HAUS6: variants seen among roughly 807,000 people sequenced by gnomAD.
HAUS6 encodes HAUS augmin like complex subunit 6.
Under a neutral mutation model 106.8 loss-of-function variants are expected in HAUS6, and 80 were observed. The ratio of observed to expected loss-of-function variants is 0.75; its 90% CI spans 0.63 to 0.90. The LOEUF (loss-of-function observed/expected upper bound fraction) is 0.90. Ranked by LOEUF, HAUS6 falls within the 40% of genes least tolerant of loss-of-function variation. The pLI is 0.00. For missense variants in HAUS6, 1,155 were observed against 1,118.1 expected (o/e 1.03, Z -0.47); for synonymous variants, 356 against 379.1 (o/e 0.94, Z 0.71).
chr9:19,062,562 A>G (rs1836649606), intron 14 of HAUS6, among the ~76,000 whole-genome samples: 1 of 152,204 alleles, frequency 6.6e-6, no homozygotes, highest in African/African-American at 2.4e-5. Context: ...TTTAACCATA[A>G]TTTTTATTAT....
chr9:19,096,302 C>T (rs1011211645), intron 2 of HAUS6, among the ~76,000 whole-genome samples: 14 of 152,068 alleles, frequency 9.2e-5, no homozygotes, highest in African/African-American at 3.1e-4. Context: ...TGGTGGCTCA[C>T]GCCTGTAATC....
intron 1 of HAUS6, 53 bp downstream of exon 1, chr9:19,102,471 C>G: frequency 6.3e-7 from 1 of 1,580,074 alleles, no homozygotes; most frequent in South Asian, 1.1e-5. Flanking sequence ...GGGGGAGTCC[C>G]CCGGCGTCCC....
intron 11 of HAUS6, among the ~76,000 whole-genome samples, chr9:19,074,935 C>G (rs1836961887): frequency 6.6e-6 from 1 of 152,026 alleles, no homozygotes; most frequent in Non-Finnish European, 1.5e-5. Context: ...AAAACCTGTA[C>G]AGAATGTTTA....
At chr9:19,087,334 G>A (rs1837322169) in intron 5 of HAUS6, among the ~76,000 whole-genome samples, 178 bp from the exon 6 acceptor site, 1 of 152,064 alleles carries the variant, frequency 6.6e-6, no homozygotes, top group Non-Finnish European at 1.5e-5. Flanking sequence ...GGCTCCTATT[G>A]AGATGGACCT....
chr9:19,055,264 T>C lies in HAUS6; in HGVS notation c.*1079A>G, dbSNP rs1210280637. On this transcript the variant is annotated 3_prime_UTR_variant, in exon 17 of 17. Coordinates refer to ENST00000380502, the MANE Select transcript of HAUS6 (RefSeq NM_017645.5). ...TCTACAAAGGGTATTGTAGGTACTA[T>C]CACCCTTCCATTGCCTGTTCCATTC... 1.3e-5 allele frequency: 2 copies of C among 152,216 alleles called. No homozygotes were observed. Among genetic ancestry groups the C allele is most frequent in the African/African-American group, 2.4e-5 (1 of 41,468 alleles). 9.4% of individuals were successfully genotyped at this position (152,216 alleles called of 1,614,324 possible). A position where few individuals can be genotyped will look rare whatever the true frequency, so the allele number is the denominator to read the frequency against.
intron 14 of HAUS6, among the ~76,000 whole-genome samples, chr9:19,061,857 G>A (rs928064464): frequency 6.6e-6 from 1 of 152,064 alleles, no homozygotes; most frequent in African/African-American, 2.4e-5. Flanking sequence ...AAAAGTGTCT[G>A]ACATCCAGTT....
Position 19,090,706 on chromosome 9 carries a change from AGAG to A in HAUS6, c.437-1150_437-1148del, listed in dbSNP as rs1817727111. Among the ~76,000 whole-genome samples, 7 of 152,330 alleles carry A rather than the reference AGAG, an allele frequency of 4.6e-5. No individual in the cohort carries two copies. The South Asian group carries it at 1.4e-3, about 32-fold the overall frequency. ...GGAAGAAAGTCAATATAAAAAGATA[AGAG>A]GAGATCACATCATCTCCATTGCTGC... is the stretch of plus-strand genomic sequence containing the variant. On this transcript the variant is annotated intron_variant, in intron 4 of 16. Transcript: ENST00000380502.
intron 10 of HAUS6, among the ~76,000 whole-genome samples, chr9:19,077,200 C>G (rs149067210): frequency 4.1e-4 from 62 of 152,256 alleles, no homozygotes; most frequent in Admixed American, 9.8e-4. Flanking sequence ...TTACTTAGTC[C>G]TTGAATTTCT....
In HAUS6 at chr9:19,057,957, T is replaced by C. The variant is rs1836510426; in HGVS notation, c.2806+4A>G. The C allele has an allele frequency of 2.5e-6, 4 of 1,569,590 alleles. No homozygotes were observed. Among genetic ancestry groups the C allele is most frequent in the East Asian group, 4.5e-5 (2 of 44,664 alleles). ...GAATATGCATAGGTCTATTTAAACC[T>C]TACCCTTTAAATTAGGTAGTTCTCC... On this transcript the variant is annotated splice_donor_region_variant and intron_variant, in intron 16 of 16. Coordinates refer to ENST00000380502, the MANE Select transcript of HAUS6 (RefSeq NM_017645.5).
chr9:19,093,297 A>T lies in HAUS6; in HGVS notation c.310T>A (p.Cys104Ser), dbSNP rs772854146. 1.1e-4 allele frequency: 177 copies of T among 1,602,190 alleles called. 1 individual carries two copies. In the Middle Eastern group the frequency reaches 2.0e-3, roughly 18 times the overall value. Residue 104 changes from cysteine to serine, a missense_variant, in exon 4 of 17, where the codon TGT becomes AGT. Transcript: ENST00000380502. ...ACAACTTGAGGAAAGCTACTTCCAC[A>T]TTCACCCTATGAAGAAAAGAAATAA... ...CEWIKRISGECGSSFPQVVGS... is the reference protein window; with the variant it reads ...CEWIKRISGESGSSFPQVVGS...
chr9:19,078,836 A>T (rs906203559), intron 9 of HAUS6, among the ~76,000 whole-genome samples: 1 of 129,020 alleles, frequency 7.8e-6, no homozygotes, highest in African/African-American at 3.4e-5. Flanking sequence ...TAATTTTAAA[A>T]AATTAGTTTA....
intron 11 of HAUS6, among the ~76,000 whole-genome samples, chr9:19,071,784 C>G (rs1259865076): frequency 6.6e-6 from 1 of 151,904 alleles, no homozygotes; most frequent in Non-Finnish European, 1.5e-5. Context: ...CTTTATTGCC[C>G]AGGTTGGTCT....
chr9:19,065,981 A>G (rs1194303229), intron 12 of HAUS6, among the ~76,000 whole-genome samples: 1 of 145,680 alleles, frequency 6.9e-6, no homozygotes, highest in South Asian at 2.2e-4. Context: ...TGTCGCCCAC[A>G]CTGGAGTGCA....
intron 12 of HAUS6, among the ~76,000 whole-genome samples, chr9:19,066,193 C>A (rs141361423): frequency 1.6e-3 from 239 of 152,204 alleles, no homozygotes; most frequent in African/African-American, 5.5e-3. Flanking sequence ...GCCTCAGCAT[C>A]CCAAAGTGCT....
At chr9:19,064,194 C>T (rs903209461) in intron 12 of HAUS6, among the ~76,000 whole-genome samples, 5 of 152,146 alleles carry the variant, frequency 3.3e-5, no homozygotes, top group South Asian at 2.1e-4. Context: ...CTCAAACTCC[C>T]GACCTCAGGT....
In HAUS6 at chr9:19,062,561, A is replaced by G. The variant is rs149531941; in HGVS notation, c.1629+447T>C. The stretch of plus-strand genomic sequence containing the variant: ...GGAAGACCAATTTTGCTTTAACCAT[A>G]ATTTTTATTATCTGTAGCCTTCTTT... On this transcript the variant is annotated intron_variant, in intron 14 of 16. Coordinates refer to ENST00000380502, the MANE Select transcript of HAUS6 (RefSeq NM_017645.5). 1.1e-4 allele frequency among the ~76,000 whole-genome samples: 17 copies of G among 152,326 alleles called. No homozygotes were observed. In the East Asian group the frequency reaches 2.9e-3, roughly 26 times the overall value.
intron 12 of HAUS6, among the ~76,000 whole-genome samples, chr9:19,066,472 A>G (rs1459826677): frequency 6.6e-6 from 1 of 152,186 alleles, no homozygotes; most frequent in African/African-American, 2.4e-5. Context: ...CGTATGCAAG[A>G]TCATACTGCC....
In HAUS6 at chr9:19,078,244, C is replaced by T; in HGVS notation, c.1123G>A (p.Glu375Lys). The T allele has an allele frequency of 6.4e-7, 1 of 1,560,772 alleles. No homozygotes were observed. ...IRHSVVEKQG[E>K]WHKKWKEFLG... ...AATTCTTTCCACTTTTTATGCCATT[C>T]TCCTTGCTTTTCAACAACAGAATGT... is the stretch of plus-strand genomic sequence containing the variant. Residue 375 changes from glutamate to lysine, a missense_variant, in exon 10 of 17, where the codon GAA becomes AAA. Physicochemically the swap from Glu to Lys is moderately conservative, Grantham distance 56. Transcript: ENST00000380502.
At chr9:19,098,641 A>G (rs527622515) in intron 1 of HAUS6, among the ~76,000 whole-genome samples, 5 of 152,076 alleles carry the variant, frequency 3.3e-5, no homozygotes, top group Non-Finnish European at 7.4e-5. Flanking sequence ...TATTCTCTGT[A>G]ATGCAACCAT....
Sources: gnomAD v4.1 joint callset for allele counts (sites outside exome capture counted in the v4.1 genomes callset) on GRCh38, gnomAD v4.1.1 for gene constraint, MANE v1.5 for transcripts, NCBI Gene and HGNC (gene_info 2026-07-23, HGNC 2026-07-21) for gene names.